The following RIT2 variants were observed in gnomAD, a reference collection of about 807,000 sequenced individuals.
RIT2 encodes GTP-binding protein Rit2.
Under a neutral mutation model 23.7 loss-of-function variants are expected in RIT2, and 24 were observed. The observed-to-expected ratio is 1.01, with a 90% CI of 0.73 to 1.43. The LOEUF (loss-of-function observed/expected upper bound fraction) is 1.43, where lower values mean the gene tolerates loss of function less well. Ranked by LOEUF, RIT2 falls within the 40% of genes most tolerant of loss-of-function variation. RIT2 has a pLI of 0.00. For missense variants in RIT2, 236 were observed against 266.9 expected, an observed-to-expected ratio of 0.88 and a Z score of 0.81; for synonymous variants, 107 against 91.1, an observed-to-expected ratio of 1.17 and a Z score of -0.99.
chr18:42,987,426 A>T (rs1420541252), intron 2 of RIT2, among the ~76,000 whole-genome samples: 1 of 152,150 alleles, frequency 6.6e-6, no homozygotes, highest in Non-Finnish European at 1.5e-5. Flanking sequence ...TGAAACAAAG[A>T]CATCCCAACT....
At chr18:42,902,988 A>C (rs1391432349) in intron 4 of RIT2, among the ~76,000 whole-genome samples, 1 of 151,882 alleles carries the variant, frequency 6.6e-6, no homozygotes, top group Non-Finnish European at 1.5e-5. Flanking sequence ...ATGACAGAAG[A>C]TGAAGGACTA....
chr18:42,762,797 T>A (rs1178996442), intron 4 of RIT2, among the ~76,000 whole-genome samples: 2 of 152,210 alleles, frequency 1.3e-5, no homozygotes, highest in Non-Finnish European at 2.9e-5. Context: ...ACATTTTTGT[T>A]GATCTCAAAT....
intron 4 of RIT2, among the ~76,000 whole-genome samples, chr18:42,800,998 AT>A (rs936697346): frequency 6.6e-6 from 1 of 152,104 alleles, no homozygotes; most frequent in Admixed American, 6.5e-5. Context: ...CGTAGCACCA[AT>A]TTTTTTAAAA....
chr18:42,801,467 C>A (rs1474044930), intron 4 of RIT2, among the ~76,000 whole-genome samples: 3 of 152,232 alleles, frequency 2.0e-5, no homozygotes, highest in Non-Finnish European at 4.4e-5. Context: ...ATAACTAGTT[C>A]TTTTTTTAAG....
chr18:42,934,610 T>C (rs1463019203), intron 3 of RIT2, among the ~76,000 whole-genome samples: 1 of 152,198 alleles, frequency 6.6e-6, no homozygotes, highest in Non-Finnish European at 1.5e-5. Flanking sequence ...AAAGTATGGA[T>C]ATATGAATAT....
chr18:43,053,212 C>T (rs1912424797), intron 1 of RIT2, among the ~76,000 whole-genome samples: 1 of 152,016 alleles, frequency 6.6e-6, no homozygotes, highest in Admixed American at 6.6e-5. Flanking sequence ...AATTTACATA[C>T]TTACTAGTGG....
intron 2 of RIT2, among the ~76,000 whole-genome samples, chr18:42,998,978 C>A (rs934695066): frequency 6.6e-6 from 1 of 152,066 alleles, no homozygotes; most frequent in East Asian, 1.9e-4. Flanking sequence ...AGGTCCAGTT[C>A]TACAATGTGT....
At chr18:42,992,021 C>G (rs1016842975) in intron 2 of RIT2, among the ~76,000 whole-genome samples, 2 of 152,052 alleles carry the variant, frequency 1.3e-5, no homozygotes, top group African/African-American at 4.8e-5. Context: ...TGCCCCAACC[C>G]CTTATTTCCA....
chr18:42,862,886 A>G (rs1385910393), intron 4 of RIT2, among the ~76,000 whole-genome samples: 1 of 152,180 alleles, frequency 6.6e-6, no homozygotes, highest in African/African-American at 2.4e-5. Context: ...ACAAAGAACA[A>G]ATCTCCTAAC....
intron 3 of RIT2, among the ~76,000 whole-genome samples, chr18:42,934,040 A>AG (rs1909395041): frequency 5.0e-4 from 2 of 4,034 alleles, no homozygotes; most frequent in Admixed American, 4.0e-3. Context: ...AAAAAAAAAG[A>AG]AAAAAAAAAA....
At chr18:42,783,259 A>G (rs139605797) in intron 4 of RIT2, among the ~76,000 whole-genome samples, 99 of 152,194 alleles carry the variant, frequency 6.5e-4, no homozygotes, top group African/African-American at 2.2e-3. Flanking sequence ...AGCCACTCCA[A>G]AAAATGGAAC....
chr18:42,834,154 C>A (rs1433156413), intron 4 of RIT2, among the ~76,000 whole-genome samples: 1 of 152,120 alleles, frequency 6.6e-6, no homozygotes, highest in African/African-American at 2.4e-5. Context: ...TTATAATAAG[C>A]AAACAAAAGG....
intron 4 of RIT2, among the ~76,000 whole-genome samples, chr18:42,765,269 A>G (rs16976785): frequency 0.018 from 2,743 of 152,362 alleles, 86 homozygotes; most frequent in African/African-American, 0.063. Flanking sequence ...TAATGTCAGA[A>G]CAGTAATGCA....
intron 2 of RIT2, among the ~76,000 whole-genome samples, chr18:42,993,038 C>A (rs189392200): frequency 6.6e-6 from 1 of 152,168 alleles, no homozygotes; most frequent in Non-Finnish European, 1.5e-5. Context: ...AATTCCTTGC[C>A]TCCACTGTGA....
At chr18:43,073,396 T>C (rs1392035957) in intron 1 of RIT2, among the ~76,000 whole-genome samples, 1 of 152,240 alleles carries the variant, frequency 6.6e-6, no homozygotes, top group Non-Finnish European at 1.5e-5. Context: ...GAAAGAAGTT[T>C]AATGCTGCCA....
intron 2 of RIT2, among the ~76,000 whole-genome samples, chr18:43,018,967 A>G (rs981136116): frequency 6.6e-6 from 1 of 152,004 alleles, no homozygotes; most frequent in Non-Finnish European, 1.5e-5. Context: ...GAATGAAAGA[A>G]AAAAATCAAA....
intron 4 of RIT2, among the ~76,000 whole-genome samples, chr18:42,904,435 A>C (rs1423758360): frequency 6.6e-6 from 1 of 152,138 alleles, no homozygotes; most frequent in Non-Finnish European, 1.5e-5. Context: ...GAATTTAAGC[A>C]GTTTCCCAGA....
chr18:42,815,878 A>C (rs1471642409), intron 4 of RIT2, among the ~76,000 whole-genome samples: 2 of 152,184 alleles, frequency 1.3e-5, no homozygotes, highest in Non-Finnish European at 2.9e-5. Flanking sequence ...GTATGTTTAA[A>C]AATCTAAAAA....
At chr18:42,894,179 AG>A (rs1156348914) in intron 4 of RIT2, among the ~76,000 whole-genome samples, 1 of 152,182 alleles carries the variant, frequency 6.6e-6, no homozygotes, top group African/African-American at 2.4e-5. Context: ...AATAGAAAGA[AG>A]ACAGGATGTT....
Sources: allele counts gnomAD v4.1 joint callset (sites outside exome capture counted in the v4.1 genomes callset), GRCh38; gene constraint gnomAD v4.1.1; transcripts MANE v1.5; gene names NCBI Gene and HGNC (gene_info 2026-07-23, HGNC 2026-07-21).